Variants in ZNF77 observed in about 807,000 individuals in gnomAD.
The protein encoded by ZNF77 is ZNFpT1.
Under a neutral mutation model 13.5 loss-of-function variants are expected in ZNF77, and 15 were observed. The observed-to-expected ratio is 1.11, with a 90% confidence interval of 0.74 to 1.71. The LOEUF (loss-of-function observed/expected upper bound fraction) is 1.71, where lower values mean the gene tolerates loss of function less well. Ranked by LOEUF, ZNF77 falls within the 40% of genes most tolerant of loss-of-function variation. The pLI is 0.00. For synonymous variants in ZNF77, 282 were observed against 250.0 expected, an observed-to-expected ratio of 1.13 and a Z score of -1.21; for missense variants, 717 against 676.4, an observed-to-expected ratio of 1.06 and a Z score of -0.67.
chr19:2,938,688 G>A (rs1256868966), intron 2 of ZNF77, among the ~76,000 whole-genome samples: 1 of 152,168 alleles, frequency 6.6e-6, no homozygotes, highest in Non-Finnish European at 1.5e-5. Context: ...CGGGCGCGGT[G>A]GCTCACGCCT....
intron 1 of ZNF77, among the ~76,000 whole-genome samples, chr19:2,942,725 G>A (rs1025242306): frequency 6.6e-6 from 1 of 151,856 alleles, no homozygotes; most frequent in Non-Finnish European, 1.5e-5. Flanking sequence ...CTTCCCATAC[G>A]ACTTAGATAA....
chr19:2,937,716 C>T (rs908947438), intron 2 of ZNF77, among the ~76,000 whole-genome samples: 1 of 150,886 alleles, frequency 6.6e-6, no homozygotes, highest in Non-Finnish European at 1.5e-5. Context: ...AGAGAGGACA[C>T]ACCTCCTCCT....
rs2088429898 is a variant in ZNF77, at chr19:2,939,369, G to A, written c.42C>T (p.Thr14=). Residue 14 remains threonine (T), a synonymous_variant, in exon 2 of 4, where the codon ACC becomes ACT. Transcript: ENST00000314531. The part of the protein sequence containing the change: ...VIFEEVAVNF[T]PEEWALLDHA... ...GATCCAGCAATGCCCACTCTTCTGG[G>A]GTGAAGTTCACAGCCACTTCCTCAA... The A allele has an allele frequency of 6.2e-7, 1 of 1,614,162 alleles. No homozygotes were observed. Among genetic ancestry groups the A allele is most frequent in the Non-Finnish European group, 8.5e-7 (1 of 1,180,004 alleles).
intron 3 of ZNF77, 62 bp downstream of exon 3, chr19:2,936,462 G>T: frequency 6.7e-7 from 1 of 1,495,514 alleles, no homozygotes; most frequent in South Asian, 1.4e-5. Context: ...ACTTTTCTTT[G>T]AATTGCAAGT....
At chr19:2,936,786 T>A in intron 2 of ZNF77, 82 bp from the exon 3 acceptor site, 1 of 1,292,340 alleles carries the variant, frequency 7.7e-7, no homozygotes, top group Non-Finnish European at 1.1e-6. Context: ...TCTTTTCATA[T>A]AGTAATCCAA....
chr19:2,936,685 TC>T lies in ZNF77; in HGVS notation c.149del (p.Arg50LysfsTer23), dbSNP rs1377322601. The T allele has an allele frequency of 6.2e-7, 1 of 1,607,230 alleles. No homozygotes were observed. Among genetic ancestry groups the T allele is most frequent in the Admixed American group, 1.7e-5 (1 of 58,158 alleles). ...CCCTCTGAGAACTTGATCCACTGGTTCTAACATAAATGTAACAATCTGCAAC... is the reference window on the plus strand; with the variant it reads ...CCCTCTGAGAACTTGATCCACTGGTTTAACATAAATGTAACAATCTGCAAC... Reference protein sequence around the residue: ...LASLDCYIYVRTSGSSSQRDV... With the variant: ...LASLDCYIYVXTSGSSSQRDV... On this transcript the variant is annotated frameshift_variant, in exon 3 of 4. Coordinates refer to ENST00000314531, the MANE Select transcript of ZNF77 (RefSeq NM_021217.3). LOFTEE classifies it high-confidence loss of function.
intron 1 of ZNF77, among the ~76,000 whole-genome samples, chr19:2,941,699 C>G (rs574504943): frequency 6.6e-6 from 1 of 152,258 alleles, no homozygotes; most frequent in South Asian, 2.1e-4. Context: ...GTCCCCTAAT[C>G]GGAATTGCCG....
chr19:2,938,394 C>G (rs1177354147), intron 2 of ZNF77, among the ~76,000 whole-genome samples: 2 of 152,210 alleles, frequency 1.3e-5, no homozygotes, highest in Non-Finnish European at 2.9e-5. Flanking sequence ...TACTTTATCA[C>G]AGTGTACTTT....
Position 2,933,421 on chromosome 19 carries a change from A to G in ZNF77, c.*68T>C, listed in dbSNP as rs1158596323. The G allele has an allele frequency of 6.7e-7, 1 of 1,494,090 alleles. No homozygotes were observed. The highest frequency in any genetic ancestry group is 2.3e-5 in the East Asian group (1 of 43,542). 92.6% of individuals were successfully genotyped at this position (1,494,090 alleles called of 1,614,324 possible). ...GTTTTCCTACATGCTCTACATAAAT[A>G]ACGTTTCTCACATTTACAACAAGGT... On this transcript the variant is annotated 3_prime_UTR_variant, in exon 4 of 4. Coordinates refer to ENST00000314531, the MANE Select transcript of ZNF77 (RefSeq NM_021217.3).
chr19:2,937,608 A>G (rs897348533), intron 2 of ZNF77, among the ~76,000 whole-genome samples: 1 of 152,192 alleles, frequency 6.6e-6, no homozygotes, highest in Non-Finnish European at 1.5e-5. Context: ...AAGTTTGCAC[A>G]TGCACAAATG....
chr19:2,939,489 G>C, intron 1 of ZNF77, 82 bp from the exon 2 acceptor site: 1 of 1,574,742 alleles, frequency 6.4e-7, no homozygotes, highest in South Asian at 1.2e-5. Context: ...CTGACAGCCT[G>C]GGGAACTGAG....
Position 2,936,619 on chromosome 19 carries a change from T to C in ZNF77, c.216A>G (p.Val72=), listed in dbSNP as rs34033850. Residue 72 remains valine (V), a synonymous_variant, in exon 3 of 4, where the codon GTA becomes GTG. Transcript: ENST00000314531. ...ACCAGGAATCACTTCCTGTGAACTT[T>C]ACAATCTCTTCATCATTGGATATTC... ...GNGISNDEEI[V]KFTGSDSWSI... The C allele has an allele frequency of 3.0e-5, 48 of 1,611,606 alleles. No homozygotes were observed. In the African/African-American group the frequency reaches 4.9e-4, roughly 17 times the overall value.
At chr19:2,935,169 C>T (rs1037824841) in intron 3 of ZNF77, among the ~76,000 whole-genome samples, 3 of 151,592 alleles carry the variant, frequency 2.0e-5, no homozygotes, top group Non-Finnish European at 4.4e-5. Flanking sequence ...CAGGCGCCTG[C>T]CACCACGCCT....
At chr19:2,936,440 T>G in intron 3 of ZNF77, 84 bp downstream of exon 3, 1 of 1,438,576 alleles carries the variant, frequency 7.0e-7, no homozygotes, top group Non-Finnish European at 9.2e-7. Flanking sequence ...CGAGCCCCTG[T>G]GCCCAGCCGA....
At chr19:2,937,183 T>C (rs532592090) in intron 2 of ZNF77, among the ~76,000 whole-genome samples, 4 of 152,116 alleles carry the variant, frequency 2.6e-5, no homozygotes, top group Admixed American at 1.3e-4. Flanking sequence ...AGTGAGACCC[T>C]GTCTCAAAAA....
intron 1 of ZNF77, among the ~76,000 whole-genome samples, chr19:2,943,750 G>A (rs975477774): frequency 1.7e-5 from 2 of 116,962 alleles, no homozygotes; most frequent in Non-Finnish European, 3.3e-5. Flanking sequence ...TTTCTCTGTC[G>A]CCAGGCTGGA....
At chr19:2,937,379 G>A (rs1243732855) in intron 2 of ZNF77, among the ~76,000 whole-genome samples, 1 of 152,022 alleles carries the variant, frequency 6.6e-6, no homozygotes, top group Non-Finnish European at 1.5e-5. Flanking sequence ...CAGCTACTCG[G>A]GAGGCTGAGG....
chr19:2,938,401 C>T (rs117891946), intron 2 of ZNF77, among the ~76,000 whole-genome samples: 10 of 152,296 alleles, frequency 6.6e-5, no homozygotes, highest in Admixed American at 1.3e-4. Context: ...TCACAGTGTA[C>T]TTTGATTTTC....
chr19:2,935,779 G>C (rs1279827672), intron 3 of ZNF77, among the ~76,000 whole-genome samples: 1 of 152,172 alleles, frequency 6.6e-6, no homozygotes, highest in Non-Finnish European at 1.5e-5. Flanking sequence ...CACTTTGGGA[G>C]GTTGAGATGG....
Sources: allele counts gnomAD v4.1 joint callset (sites outside exome capture counted in the v4.1 genomes callset), GRCh38; gene constraint gnomAD v4.1.1; transcripts MANE v1.5; gene names NCBI Gene and HGNC (gene_info 2026-07-23, HGNC 2026-07-21).